Variants in SLC2A9 observed in about 807,000 individuals in gnomAD.
The protein encoded by SLC2A9 is solute carrier family 2, facilitated glucose transporter member 9.
A neutral mutation model predicts 50.6 loss-of-function variants in SLC2A9; 39 were observed. That is an observed-to-expected ratio of 0.77 (90% CI 0.60 to 1.01). The LOEUF (loss-of-function observed/expected upper bound fraction) is 1.01. Among genes scored for constraint, SLC2A9 ranks in the 50% least tolerant of loss-of-function variants. The pLI is 0.00. For synonymous variants in SLC2A9, 324 were observed against 276.9 expected (o/e 1.17, Z -1.69); for missense variants, 686 against 677.6 (o/e 1.01, Z -0.14).
intron 5 of SLC2A9, among the ~76,000 whole-genome samples, chr4:9,951,396 C>A (rs1382097341): frequency 6.6e-6 from 1 of 152,022 alleles, no homozygotes; most frequent in African/African-American, 2.4e-5. Flanking sequence ...AGGAATAAAT[C>A]CAATGTTTGA....
rs746155728 is a variant in SLC2A9 at position 9,804,489 on chromosome 4, G to A, written n.421-5248C>T. 2.0e-5 allele frequency among the ~76,000 whole-genome samples: 3 copies of A among 152,014 alleles called. No homozygotes were observed. The East Asian group carries it at 5.8e-4, about 29-fold the overall frequency. The stretch of plus-strand genomic sequence containing the variant: ...AAAGCACCTTCTGTTCTGGGAGGAT[G>A]GTGAGGGGTAGGACCCTCTTTATAG... On this transcript the variant is annotated intron_variant and non_coding_transcript_variant, in intron 3 of 3. Transcript: ENST00000503280.
intron 9 of SLC2A9, among the ~76,000 whole-genome samples, chr4:9,890,151 G>A (rs1374982819): frequency 6.6e-6 from 1 of 152,194 alleles, no homozygotes; most frequent in Admixed American, 6.5e-5. Context: ...TTACAAGTAA[G>A]GAAAAGCCAG....
At chr4:9,836,088 CA>C (rs35303241) in intron 10 of SLC2A9, among the ~76,000 whole-genome samples, 1,813 of 48,184 alleles carry the variant, frequency 0.038, 5 homozygotes, top group Admixed American at 0.056. Context: ...AACTCCCTCT[CA>C]AAAAAAAAAA....
At position 9,986,980 on chromosome 4, in the gene SLC2A9, T is replaced by A. The variant is rs191808930; in HGVS notation, c.411-1187A>T. Among the ~76,000 whole-genome samples the A allele has an allele frequency of 3.6e-3, 552 of 152,360 alleles. 5 individuals are homozygous for A. The highest frequency in any genetic ancestry group is 0.012 in the African/African-American group (497 of 41,582). On this transcript the variant is annotated intron_variant, in intron 3 of 11. Coordinates refer to ENST00000264784, the MANE Select transcript of SLC2A9 (RefSeq NM_020041.3). ...AAGCCCACATTTATTGAACTCTTGC[T>A]ATAGGATAGACCCTGCTTTAAGTAC...
upstream of SLC2A9, chr4:10,025,855 G>A (rs1248498682): frequency 2.5e-6 from 4 of 1,584,578 alleles, no homozygotes; most frequent in Non-Finnish European, 1.7e-6. Flanking sequence ...CTACCCCCTG[G>A]GTGACCGGAA....
chr4:9,937,164 T>C (rs1747238918), intron 6 of SLC2A9, among the ~76,000 whole-genome samples: 1 of 152,120 alleles, frequency 6.6e-6, no homozygotes, highest in Non-Finnish European at 1.5e-5. Flanking sequence ...ATTCTCTAAA[T>C]CTAAAGTGAG....
intron 3 of SLC2A9, 123 bp downstream of exon 3, chr4:9,996,658 C>A: frequency 5.0e-6 from 6 of 1,205,170 alleles, no homozygotes; most frequent in Non-Finnish European, 7.2e-6. Flanking sequence ...CCCCTTTGGG[C>A]ATTTGAATCT....
rs1175166447 is a variant in SLC2A9, at chr4:9,845,427, C to CTTTTTTTTTTTTTTTTTTTTTTTTT, written c.1292-10420_1292-10419insAAAAAAAAAAAAAAAAAAAAAAAAA. On this transcript the variant is annotated intron_variant, in intron 10 of 11. Coordinates refer to ENST00000264784, the MANE Select transcript of SLC2A9 (RefSeq NM_020041.3). ...CCAATGGAACCACGATCATCAATTTCTTTTTTTTTTTTTTTTTTTTGAGAC... is the reference window on the plus strand; with the variant it reads ...CCAATGGAACCACGATCATCAATTTCTTTTTTTTTTTTTTTTTTTTTTTTTTTTTTTTTTTTTTTTTTTTTGAGAC... Among the ~76,000 whole-genome samples the CTTTTTTTTTTTTTTTTTTTTTTTTT allele has an allele frequency of 8.3e-5, 9 of 108,678 alleles. 1 individual carries two copies. The highest frequency in any genetic ancestry group is 2.0e-4 in the African/African-American group (5 of 24,534). The allele number at this position is 108,678 out of a possible 152,430, so 71.3% of individuals were successfully genotyped here. A position where few individuals can be genotyped will look rare whatever the true frequency, so the allele number is the denominator to read the frequency against.
Position 9,783,035 on chromosome 4 carries a change from G to A in SLC2A9, n.386-2970C>T, listed in dbSNP as rs749131704. 3.1e-6 allele frequency: 5 copies of A among 1,614,220 alleles called. No homozygotes were observed. The highest frequency in any genetic ancestry group is 4.5e-5 in the East Asian group (2 of 44,862). The stretch of plus-strand genomic sequence containing the variant: ...AGGCCCTCCGGCCGGCTTCCCCTGC[G>A]TCAGTGAGACCACCTTCGACGTCTT... On this transcript the variant is annotated intron_variant and non_coding_transcript_variant, in intron 3 of 3. Transcript: ENST00000503803.
At chr4:9,944,279 G>A (rs1225580403) in intron 5 of SLC2A9, among the ~76,000 whole-genome samples, 1 of 152,228 alleles carries the variant, frequency 6.6e-6, no homozygotes. Flanking sequence ...GACTTGGCTT[G>A]AGGACAACAG....
chr4:10,037,859 G>A (rs1436848526), intron 1 of SLC2A9, among the ~76,000 whole-genome samples: 1 of 152,186 alleles, frequency 6.6e-6, no homozygotes, highest in African/African-American at 2.4e-5. Flanking sequence ...GCTGAGGCAC[G>A]AGAATCGCTA....
chr4:9,826,004 C>T (rs371203430), downstream of SLC2A9, among the ~76,000 whole-genome samples: 1 of 152,126 alleles, frequency 6.6e-6, no homozygotes, highest in Non-Finnish European at 1.5e-5. Flanking sequence ...ATCTCTAATC[C>T]GTTGAGTCCC....
intron 10 of SLC2A9, chr4:9,879,118 C>T (rs1734772324): frequency 1.0e-6 from 1 of 983,312 alleles, no homozygotes; most frequent in Admixed American, 6.2e-5. Flanking sequence ...TGAAGCAGTC[C>T]CTGATGTTAG....
chr4:9,825,513 G>C (rs974225591), downstream of SLC2A9, among the ~76,000 whole-genome samples: 1 of 133,644 alleles, frequency 7.5e-6, no homozygotes, highest in East Asian at 2.1e-4. Flanking sequence ...TTGTGGCAGA[G>C]ATCACCAATT....
At chr4:9,896,589 C>T (rs1738602127) in intron 8 of SLC2A9, among the ~76,000 whole-genome samples, 1 of 152,150 alleles carries the variant, frequency 6.6e-6, no homozygotes, top group Non-Finnish European at 1.5e-5. Context: ...TAAATAGTCA[C>T]AGTTTTTAAT....
downstream of SLC2A9, among the ~76,000 whole-genome samples, chr4:9,775,934 C>T (rs942619153): frequency 1.3e-5 from 2 of 152,200 alleles, no homozygotes; most frequent in Admixed American, 1.3e-4. Context: ...TCCAAGGCTA[C>T]TGCAGCAGCC....
chr4:9,879,467 G>T (rs2109612656), intron 10 of SLC2A9: 1 of 985,294 alleles, frequency 1.0e-6, no homozygotes, highest in African/African-American at 1.7e-5. Flanking sequence ...GGAGAATGCG[G>T]GATAGAGAGG....
intron 1 of SLC2A9, among the ~76,000 whole-genome samples, chr4:10,036,446 G>A (rs1027991301): frequency 6.6e-5 from 10 of 152,188 alleles, no homozygotes; most frequent in Non-Finnish European, 1.0e-4. Flanking sequence ...TAAGGCCATC[G>A]CTCTTCCATA....
intron 5 of SLC2A9, among the ~76,000 whole-genome samples, chr4:9,976,679 C>T (rs1298510219): frequency 6.6e-6 from 1 of 152,228 alleles, no homozygotes; most frequent in East Asian, 1.9e-4. Context: ...ACCAATGGTA[C>T]ACCTTTTGGC....
Sources: gnomAD v4.1 joint callset for allele counts (sites outside exome capture counted in the v4.1 genomes callset) on GRCh38, gnomAD v4.1.1 for gene constraint, MANE v1.5 for transcripts, NCBI Gene and HGNC (gene_info 2026-07-23, HGNC 2026-07-21) for gene names.